CRMP1: variants seen among roughly 807,000 people sequenced by gnomAD.
The protein encoded by CRMP1 is collapsin response mediator protein 1.
In CRMP1, 19 loss-of-function variants were observed where a neutral mutation model predicts 68.3. The ratio of observed to expected loss-of-function variants is 0.28; its 90% CI spans 0.19 to 0.41. The LOEUF (loss-of-function observed/expected upper bound fraction) is 0.41, where lower values mean the gene tolerates loss of function less well. Ranked by LOEUF, CRMP1 falls within the 10% of genes least tolerant of loss-of-function variation. The probability of loss-of-function intolerance (pLI) is 1.00; values close to 1 mark genes in which losing one functional copy is unlikely to be tolerated. For missense variants in CRMP1, 791 were observed against 967.4 expected, an observed-to-expected ratio of 0.82 and a Z score of 2.42; for synonymous variants, 439 against 399.6, an observed-to-expected ratio of 1.10 and a Z score of -1.18.
rs541552432 is a variant in CRMP1 at position 5,887,788 on chromosome 4, G to A, written c.381+4801C>T. 61 of 989,626 alleles carry A rather than the reference G, an allele frequency of 6.2e-5. No individual in the cohort carries two copies. In the African/African-American group the frequency reaches 9.4e-4, roughly 15 times the overall value. The allele number at this position is 989,626 out of a possible 1,614,324, so 61.3% of individuals were successfully genotyped here. On this transcript the variant is annotated intron_variant, in intron 1 of 13. Coordinates refer to ENST00000324989, the MANE Select transcript of CRMP1 (RefSeq NM_001014809.3). ...ATGATCTTTTTCCCTCCTCCAGCGG[G>A]GGAGGTACCGGGCTGTGGGGTGCAT...
Position 5,880,100 on chromosome 4 carries a change from G to A in CRMP1, c.381+12489C>T, listed in dbSNP as rs114809371. Among the ~76,000 whole-genome samples, 706 of 152,254 alleles carry A rather than the reference G, an allele frequency of 4.6e-3. 2 individuals carry two copies. The highest frequency in any genetic ancestry group is 0.017 in the African/African-American group (687 of 41,548). ...GCAGAATCCCACTCTACATAAAGAA[G>A]AGCCTTCCAACAACAGAGCTGTACA... On this transcript the variant is annotated intron_variant, in intron 1 of 13. Transcript: ENST00000324989.
At chr4:5,829,088 A>G (rs561347702) in intron 11 of CRMP1, among the ~76,000 whole-genome samples, 1 of 152,328 alleles carries the variant, frequency 6.6e-6, no homozygotes, top group Admixed American at 6.5e-5. Flanking sequence ...GCTGTTTTAA[A>G]GCACGTGTGC....
In CRMP1 at chr4:5,889,989, C is replaced by A. The variant is rs1715866481; in HGVS notation, c.381+2600G>T. On this transcript the variant is annotated intron_variant, in intron 1 of 13. Transcript: ENST00000324989. The surrounding 1 kb of genome is among the most constrained non-coding windows in gnomAD (Gnocchi z 4.5). The stretch of plus-strand genomic sequence containing the variant: ...GTACCCCGGGTGCAAAACATATTAG[C>A]TGCAGCAAAGCAGCATGGAGATGCC... The A allele has an allele frequency of 1.6e-5, 18 of 1,150,906 alleles. No homozygotes were observed. In the South Asian group the frequency reaches 3.7e-4, roughly 24 times the overall value. The allele number at this position is 1,150,906 out of a possible 1,614,324, so 71.3% of individuals were successfully genotyped here.
At chr4:5,836,493 C>T (rs1309570265) in intron 10 of CRMP1, among the ~76,000 whole-genome samples, 1 of 152,240 alleles carries the variant, frequency 6.6e-6, no homozygotes, top group Non-Finnish European at 1.5e-5. Flanking sequence ...GCCATTTCCA[C>T]AGGAACTAAG....
chr4:5,892,044 C>T lies in CRMP1; in HGVS notation c.381+545G>A, dbSNP rs73795104. 0.012 allele frequency among the ~76,000 whole-genome samples: 1,856 copies of T among 152,256 alleles called. 33 individuals carry two copies. The highest frequency in any genetic ancestry group is 0.041 in the African/African-American group (1,722 of 41,544). On this transcript the variant is annotated intron_variant, in intron 1 of 13. Coordinates refer to ENST00000324989, the MANE Select transcript of CRMP1 (RefSeq NM_001014809.3). This position sits in a 1 kb window ranked among gnomAD's most constrained non-coding sequence, Gnocchi z 8.6. ...AAATCCTTAACCAAATCCTTCCCCC[C>T]AGCAAGCATGAGGGGAGCGCTCGGA... is the stretch of plus-strand genomic sequence containing the variant.
Position 5,821,737 on chromosome 4 carries a change from C to G in CRMP1, c.*23G>C, listed in dbSNP as rs201013391. The G allele has an allele frequency of 3.4e-4, 535 of 1,587,082 alleles. 4 individuals carry two copies. Among genetic ancestry groups the G allele is most frequent in the Non-Finnish European group, 7.3e-5 (85 of 1,163,822 alleles). On this transcript the variant is annotated 3_prime_UTR_variant, in exon 14 of 14. Coordinates refer to ENST00000324989, the MANE Select transcript of CRMP1 (RefSeq NM_001014809.3). The surrounding 1 kb of genome is among the most constrained non-coding windows in gnomAD (Gnocchi z 4.4). The stretch of plus-strand genomic sequence containing the variant: ...GACATGATTCCCAGAATCCTTCAGG[C>G]TAGCTCCTCCGCGCATCCACGTTCA...
chr4:5,827,955 AG>A (rs1719948582), intron 12 of CRMP1: 1 of 805,934 alleles, frequency 1.2e-6, no homozygotes, highest in African/African-American at 1.9e-5. Flanking sequence ...GTCAGTGCTA[AG>A]GTTGTTCAAG....
intron 2 of CRMP1, among the ~76,000 whole-genome samples, chr4:5,863,439 C>G (rs530790889): frequency 6.6e-6 from 1 of 152,324 alleles, no homozygotes; most frequent in East Asian, 1.9e-4. Flanking sequence ...GACCAGCAGG[C>G]TTTACTGCCG....
At chr4:5,822,496 G>T (rs763773871) in intron 13 of CRMP1, among the ~76,000 whole-genome samples, 42 of 91,180 alleles carry the variant, frequency 4.6e-4, no homozygotes, top group Non-Finnish European at 8.0e-4. Context: ...GATCTGAAGG[G>T]GGGGGGGGTG....
At chr4:5,864,742 AT>A (rs1357266323) in intron 2 of CRMP1, among the ~76,000 whole-genome samples, 1 of 152,148 alleles carries the variant, frequency 6.6e-6, no homozygotes, top group Non-Finnish European at 1.5e-5. Flanking sequence ...ACAAGGACAA[AT>A]AAGAGATGAG....
At position 5,870,218 on chromosome 4, in the gene CRMP1, C is replaced by T. The variant is rs1714343532; in HGVS notation, c.382-3462G>A. On this transcript the variant is annotated intron_variant, in intron 1 of 13. Transcript: ENST00000324989. This position sits in a 1 kb window ranked among gnomAD's most constrained non-coding sequence, Gnocchi z 6.0. ...GTTACTTATCTGAGTGCCCTCCGCTCGACTTCCCCTGTTTGGGACAACACA... is the reference window on the plus strand; with the variant it reads ...GTTACTTATCTGAGTGCCCTCCGCTTGACTTCCCCTGTTTGGGACAACACA... Among the ~76,000 whole-genome samples, 1 of 152,202 alleles carries T rather than the reference C, an allele frequency of 6.6e-6. No individual in the cohort carries two copies. The highest frequency in any genetic ancestry group is 6.5e-5 in the Admixed American group (1 of 15,288).
In CRMP1 at chr4:5,888,219, G is replaced by A; in HGVS notation, c.381+4370C>T. ...CCAGCGCGGGGCGGCGGGGGCGGGG[G>A]CCGCTTACCGTGATGTGCGGGATGC... On this transcript the variant is annotated intron_variant, in intron 1 of 13. Transcript: ENST00000324989. This position sits in a 1 kb window ranked among gnomAD's most constrained non-coding sequence, Gnocchi z 6.4. The A allele has an allele frequency of 7.9e-7, 1 of 1,266,482 alleles. No individual in the cohort carries two copies. The highest frequency in any genetic ancestry group is 2.1e-4 in the Middle Eastern group (1 of 4,838). 78.5% of individuals were successfully genotyped at this position (1,266,482 alleles called of 1,614,324 possible).
chr4:5,834,523 C>T lies in CRMP1; in HGVS notation c.1623+1392G>A, dbSNP rs1341161899. Among the ~76,000 whole-genome samples the T allele has an allele frequency of 6.6e-6, 1 of 152,158 alleles. No individual in the cohort carries two copies. Among genetic ancestry groups the T allele is most frequent in the African/African-American group, 2.4e-5 (1 of 41,434 alleles). On this transcript the variant is annotated intron_variant, in intron 11 of 13. Transcript: ENST00000324989. This position sits in a 1 kb window ranked among gnomAD's most constrained non-coding sequence, Gnocchi z 4.3. ...GCCGGCATTTTAATACTGAAATTCC[C>T]AGCCTCCAGAACCGTGAGCCACATA...
In CRMP1 at chr4:5,870,627, A is replaced by T. The variant is rs1405614859; in HGVS notation, c.382-3871T>A. Among the ~76,000 whole-genome samples the T allele has an allele frequency of 6.6e-6, 1 of 152,236 alleles. No homozygotes were observed. Among genetic ancestry groups the T allele is most frequent in the Non-Finnish European group, 1.5e-5 (1 of 68,042 alleles). On this transcript the variant is annotated intron_variant, in intron 1 of 13. Transcript: ENST00000324989. This position sits in a 1 kb window ranked among gnomAD's most constrained non-coding sequence, Gnocchi z 6.0. ...AATGGGTGAAGATGGAGAGAAAGGCATCACAGCTGTGAGCCGAGGAAGACC... is the reference window on the plus strand; with the variant it reads ...AATGGGTGAAGATGGAGAGAAAGGCTTCACAGCTGTGAGCCGAGGAAGACC...
At chr4:5,852,505 T>C (rs1712736393) in intron 4 of CRMP1, among the ~76,000 whole-genome samples, 1 of 152,208 alleles carries the variant, frequency 6.6e-6, no homozygotes. Context: ...GCTTCTCTCC[T>C]CTTTTCCTTT....
At chr4:5,828,126 C>A in intron 12 of CRMP1, 3 of 985,436 alleles carry the variant, frequency 3.0e-6, no homozygotes, top group South Asian at 9.4e-5. Flanking sequence ...AAGCCCTTCA[C>A]TGCTCTGGGC....
Position 5,881,528 on chromosome 4 carries a change from G to T in CRMP1, c.381+11061C>A, listed in dbSNP as rs1333818661. 2.0e-5 allele frequency among the ~76,000 whole-genome samples: 3 copies of T among 152,138 alleles called. No individual in the cohort carries two copies. Among genetic ancestry groups the T allele is most frequent in the African/African-American group, 7.2e-5 (3 of 41,416 alleles). Reference sequence around the variant, plus strand: ...GTCTATCATAGCTCTGATTGCACTTGGTTACCATTCAGCACCGTGGTGCTG... The same window carrying T: ...GTCTATCATAGCTCTGATTGCACTTTGTTACCATTCAGCACCGTGGTGCTG... On this transcript the variant is annotated intron_variant, in intron 1 of 13. Coordinates refer to ENST00000324989, the MANE Select transcript of CRMP1 (RefSeq NM_001014809.3). The surrounding 1 kb of genome is among the most constrained non-coding windows in gnomAD (Gnocchi z 4.6).
At position 5,839,696 on chromosome 4, in the gene CRMP1, T is replaced by C. The variant is rs199614293; in HGVS notation, c.1154-18A>G. ...TAGGGGCCCTTAGGAGGGGAAAACATAAGCCTGGTTAAAAGCAAATACTCT... is the reference window on the plus strand; with the variant it reads ...TAGGGGCCCTTAGGAGGGGAAAACACAAGCCTGGTTAAAAGCAAATACTCT... On this transcript the variant is annotated intron_variant, in intron 8 of 13. Transcript: ENST00000324989. The C allele has an allele frequency of 1.2e-6, 2 of 1,602,608 alleles. No individual in the cohort carries two copies. Among genetic ancestry groups the C allele is most frequent in the African/African-American group, 1.3e-5 (1 of 74,464 alleles).
rs1036869391 is a variant in CRMP1, at chr4:5,877,450, G to T, written c.382-10694C>A. On this transcript the variant is annotated intron_variant, in intron 1 of 13. Coordinates refer to ENST00000324989, the MANE Select transcript of CRMP1 (RefSeq NM_001014809.3). This position sits in a 1 kb window ranked among gnomAD's most constrained non-coding sequence, Gnocchi z 4.3. ...TCCCCTTGAGCAAGCTCCCCACTCTGGCCTCCTTGCAACGGCAAGTGCTGC... is the reference window on the plus strand; with the variant it reads ...TCCCCTTGAGCAAGCTCCCCACTCTTGCCTCCTTGCAACGGCAAGTGCTGC... Among the ~76,000 whole-genome samples, 1 of 152,060 alleles carries T rather than the reference G, an allele frequency of 6.6e-6. No homozygotes were observed. The highest frequency in any genetic ancestry group is 6.5e-5 in the Admixed American group (1 of 15,276).
Sources: allele counts gnomAD v4.1 joint callset (sites outside exome capture counted in the v4.1 genomes callset), GRCh38; gene constraint gnomAD v4.1.1; non-coding constraint Gnocchi (gnomAD v3.1); transcripts MANE v1.5; gene names NCBI Gene and HGNC (gene_info 2026-07-23, HGNC 2026-07-21).